The following NR2F1-AS1 variants were observed in gnomAD, a reference collection of about 807,000 sequenced individuals.
NR2F1-AS1 encodes the protein NR2F1 antisense RNA 1.
chr5:93,516,833 T>C (rs1375871094), intron 4 of NR2F1-AS1, among the ~76,000 whole-genome samples: 1 of 151,998 alleles, frequency 6.6e-6, no homozygotes, highest in African/African-American at 2.4e-5. Flanking sequence ...AATCTGAGTC[T>C]TTTATATTAT....
At chr5:93,462,002 C>T (rs1456210578) in intron 4 of NR2F1-AS1, among the ~76,000 whole-genome samples, 1 of 152,180 alleles carries the variant, frequency 6.6e-6, no homozygotes, top group Non-Finnish European at 1.5e-5. Context: ...CCACCAAAAT[C>T]CACTGGTTTG....
chr5:93,449,763 G>A (rs1355960354), intron 4 of NR2F1-AS1, among the ~76,000 whole-genome samples: 2 of 152,010 alleles, frequency 1.3e-5, no homozygotes, highest in East Asian at 1.9e-4. Flanking sequence ...ACTTCCAAAG[G>A]CCTGCTGACA....
chr5:93,545,369 C>A (rs971284104), intron 4 of NR2F1-AS1, among the ~76,000 whole-genome samples: 9 of 152,158 alleles, frequency 5.9e-5, no homozygotes, highest in African/African-American at 2.2e-4. Flanking sequence ...ATCCCATCAC[C>A]CTACAAAGTG....
intron 4 of NR2F1-AS1, among the ~76,000 whole-genome samples, chr5:93,481,075 G>GA (rs1750589979): frequency 6.6e-6 from 1 of 151,842 alleles, no homozygotes; most frequent in African/African-American, 2.4e-5. Context: ...AGAGATTGTA[G>GA]AAAAAATTTT....
At chr5:93,532,665 C>T (rs1751759323) in intron 4 of NR2F1-AS1, among the ~76,000 whole-genome samples, 1 of 152,214 alleles carries the variant, frequency 6.6e-6, no homozygotes, top group Non-Finnish European at 1.5e-5. Context: ...CTGACTTATT[C>T]CACAGGAACG....
chr5:93,488,559 C>T (rs1387465862), intron 4 of NR2F1-AS1, among the ~76,000 whole-genome samples: 5 of 152,122 alleles, frequency 3.3e-5, no homozygotes, highest in Admixed American at 2.0e-4. Flanking sequence ...AACCATCTCA[C>T]GCCAGTTAGA....
At chr5:93,468,433 C>G (rs1750290050) in intron 4 of NR2F1-AS1, among the ~76,000 whole-genome samples, 1 of 152,206 alleles carries the variant, frequency 6.6e-6, no homozygotes, top group African/African-American at 2.4e-5. Flanking sequence ...TGTCTGTTGG[C>G]TGCATAAATG....
chr5:93,532,294 A>G (rs1328434733), intron 4 of NR2F1-AS1, among the ~76,000 whole-genome samples: 5 of 152,188 alleles, frequency 3.3e-5, no homozygotes, highest in Non-Finnish European at 4.4e-5. Context: ...CCTAGGAAAA[A>G]AAAAGTTCTA....
chr5:93,542,946 A>G (rs1284924271), intron 4 of NR2F1-AS1: 2 of 152,422 alleles, frequency 1.3e-5, no homozygotes, highest in African/African-American at 4.8e-5. Context: ...TTGTCTGGAC[A>G]CTAAGAGGAG....
upstream of NR2F1-AS1, among the ~76,000 whole-genome samples, chr5:93,582,020 TCA>T (rs199787158): frequency 1.4e-4 from 17 of 122,536 alleles, 1 homozygote; most frequent in African/African-American, 6.0e-4. Flanking sequence ...TCTCTCTCTC[TCA>T]ATATCTCGCG....
In NR2F1-AS1 at chr5:93,459,391, T is replaced by C. The variant is rs1750040637; in HGVS notation, n.639-63849A>G. On this transcript the variant is annotated intron_variant and non_coding_transcript_variant, in intron 4 of 5. Coordinates refer to ENST00000660523, the Ensembl canonical transcript of NR2F1-AS1. ...TACAATGAGATATAACTAGTCATAA[T>C]ATATCCACTAAAGAGACTACAATTA... Among the ~76,000 whole-genome samples, 3 of 152,172 alleles carry C rather than the reference T, an allele frequency of 2.0e-5. No homozygotes were observed. In the South Asian group the frequency reaches 6.2e-4, roughly 31 times the overall value.
At chr5:93,422,568 C>G (rs538817357) in intron 4 of NR2F1-AS1, 1 of 152,264 alleles carries the variant, frequency 6.6e-6, no homozygotes, top group African/African-American at 2.4e-5. Context: ...AAAAGGCTTT[C>G]CTTTTCCTTT....
intron 4 of NR2F1-AS1, among the ~76,000 whole-genome samples, chr5:93,480,446 ACACTGCCAGATAAAAGTT>A (rs141452905): frequency 0.017 from 2,563 of 152,260 alleles, 78 homozygotes; most frequent in African/African-American, 0.058. Context: ...GGAAATTAAG[ACACTGCCAGATAAAAGTT>A]CACTGACAGA....
At chr5:93,484,278 G>A (rs1468500628) in intron 4 of NR2F1-AS1, among the ~76,000 whole-genome samples, 4 of 152,174 alleles carry the variant, frequency 2.6e-5, no homozygotes, top group African/African-American at 9.7e-5. Context: ...CAAGCCAGAA[G>A]AGAGTGGGGG....
At chr5:93,539,886 T>C (rs1416293693) in intron 4 of NR2F1-AS1, among the ~76,000 whole-genome samples, 1 of 152,128 alleles carries the variant, frequency 6.6e-6, no homozygotes, top group Admixed American at 6.5e-5. Context: ...TTATAATGTG[T>C]CAATTAAATT....
At chr5:93,472,188 A>C (rs141486098) in intron 4 of NR2F1-AS1, among the ~76,000 whole-genome samples, 28 of 151,992 alleles carry the variant, frequency 1.8e-4, no homozygotes, top group African/African-American at 5.8e-4. Context: ...GAAGGAAATT[A>C]CACTGTAATG....
At chr5:93,491,048 TGGTGGC>T (rs1286122870) in intron 4 of NR2F1-AS1, among the ~76,000 whole-genome samples, 1 of 148,896 alleles carries the variant, frequency 6.7e-6, no homozygotes, top group East Asian at 2.0e-4. Flanking sequence ...GTGGTGGTGG[TGGTGGC>T]GGTGGTGGTC....
intron 2 of NR2F1-AS1, among the ~76,000 whole-genome samples, chr5:93,555,591 C>T (rs1752336541): frequency 6.6e-6 from 1 of 152,072 alleles, no homozygotes; most frequent in Non-Finnish European, 1.5e-5. Flanking sequence ...AAGATCTTGG[C>T]AGCAGTATGA....
chr5:93,544,622 T>C (rs1752033037), intron 4 of NR2F1-AS1, among the ~76,000 whole-genome samples: 1 of 152,100 alleles, frequency 6.6e-6, no homozygotes, highest in Middle Eastern at 3.4e-3. Flanking sequence ...GTAATAGCCA[T>C]GCAAAAAAAT....
Sources: allele counts gnomAD v4.1 joint callset (sites outside exome capture counted in the v4.1 genomes callset), GRCh38; gene constraint gnomAD v4.1.1; transcripts MANE v1.5; gene names NCBI Gene and HGNC (gene_info 2026-07-23, HGNC 2026-07-21).